The following CLSTN1 variants were observed in gnomAD, a reference collection of about 807,000 sequenced individuals.
The protein encoded by CLSTN1 is calsyntenin 1.
A neutral mutation model predicts 108.3 loss-of-function variants in CLSTN1; 28 were observed. That is an observed-to-expected ratio of 0.26 (90% CI 0.19 to 0.35). The LOEUF (loss-of-function observed/expected upper bound fraction) is 0.35. CLSTN1 is among the 10% of genes least tolerant of loss of function. CLSTN1 has a pLI of 1.00. For synonymous variants in CLSTN1, 524 were observed against 534.9 expected (o/e 0.98, Z 0.28); for missense variants, 1,157 against 1,302.6 (o/e 0.89, Z 1.72).
At chr1:9,740,694 C>T (rs1327633590) in intron 10 of CLSTN1, among the ~76,000 whole-genome samples, 1 of 152,190 alleles carries the variant, frequency 6.6e-6, no homozygotes, top group Non-Finnish European at 1.5e-5. Flanking sequence ...GAAGAGTCCT[C>T]CAGGTCCAAG....
In CLSTN1 at chr1:9,791,367, C is replaced by T. The variant is rs546791739; in HGVS notation, c.92-17973G>A. On this transcript the variant is annotated intron_variant, in intron 1 of 18. Transcript: ENST00000377298. Reference sequence around the variant, plus strand: ...CAGAAATCCTTCTGCCTCAGCCTCCCGAGTAGCTGGGGAGCCACCATGTCC... The same window carrying T: ...CAGAAATCCTTCTGCCTCAGCCTCCTGAGTAGCTGGGGAGCCACCATGTCC... Among the ~76,000 whole-genome samples, 23 of 151,140 alleles carry T rather than the reference C, an allele frequency of 1.5e-4. 3 individuals are homozygous for T. The South Asian group carries it at 3.7e-3, about 24-fold the overall frequency.
In CLSTN1 at chr1:9,800,557, GAA is replaced by G. The variant is rs55929301; in HGVS notation, c.91+23084_91+23085del. On this transcript the variant is annotated intron_variant, in intron 1 of 18. Transcript: ENST00000377298. ...ATACAGTGAAACCCCGTCTCCACTA[GAA>G]AAAAAAAAAAAAAAAAAAAAATTAG... Among the ~76,000 whole-genome samples the G allele has an allele frequency of 1.5e-3, 114 of 77,318 alleles. 2 individuals carry two copies. Among genetic ancestry groups the G allele is most frequent in the Middle Eastern group, 0.014 (2 of 142 alleles). 50.7% of individuals were successfully genotyped at this position (77,318 alleles called of 152,430 possible).
At chr1:9,746,972 G>A (rs938303128) in intron 7 of CLSTN1, among the ~76,000 whole-genome samples, 4 of 151,722 alleles carry the variant, frequency 2.6e-5, no homozygotes, top group Non-Finnish European at 5.9e-5. Flanking sequence ...TTGAGGTCAG[G>A]AGTTGGAGAC....
chr1:9,812,178 G>A (rs1654786673), intron 1 of CLSTN1, among the ~76,000 whole-genome samples: 2 of 152,034 alleles, frequency 1.3e-5, no homozygotes, highest in Non-Finnish European at 2.9e-5. Flanking sequence ...TTAACAGAAG[G>A]GCTTTAGTCC....
intron 16 of CLSTN1, among the ~76,000 whole-genome samples, chr1:9,733,179 G>A (rs1431095989): frequency 6.6e-6 from 1 of 152,082 alleles, no homozygotes; most frequent in Non-Finnish European, 1.5e-5. Context: ...GGAAAGGGGA[G>A]CACCCCCCAC....
chr1:9,815,460 T>C (rs370170503), intron 1 of CLSTN1, among the ~76,000 whole-genome samples: 122 of 152,216 alleles, frequency 8.0e-4, no homozygotes, highest in African/African-American at 2.7e-3. Context: ...AAGGAAGGAA[T>C]TGGTTGGATG....
At chr1:9,744,750 A>T in intron 7 of CLSTN1, 107 bp from the exon 8 acceptor site, 1 of 1,330,862 alleles carries the variant, frequency 7.5e-7, no homozygotes. Context: ...TGCTGGCTCC[A>T]GTTTACTTTT....
Position 9,736,033 on chromosome 1 carries a change from A to G in CLSTN1, c.1586T>C (p.Leu529Pro), listed in dbSNP as rs778999869. The stretch of plus-strand genomic sequence containing the variant: ...GCCTCGGAAAAACTGGGTCATGTGC[A>G]GGTCGCCACCTTTGGGTCAGGGGAG... The part of the protein sequence containing the change: ...PVTVASAGGD[L>P]HMTQFFRGNL... The change falls in exon 12 of 19, where the codon CTG (leucine) becomes CCG (proline). Residue 529 changes from leucine (L) to proline (P), a missense_variant. By Grantham distance (98) the Leu-to-Pro change is moderately conservative. Transcript: ENST00000377298. The G allele has an allele frequency of 1.2e-6, 2 of 1,614,174 alleles. No homozygotes were observed. Among genetic ancestry groups the G allele is most frequent in the Non-Finnish European group, 1.7e-6 (2 of 1,180,032 alleles).
In CLSTN1 at chr1:9,755,104, G is replaced by A. The variant is rs982428824; in HGVS notation, c.440+10C>T. On this transcript the variant is annotated intron_variant, in intron 4 of 18. Transcript: ENST00000377298. Reference sequence around the variant, plus strand: ...GTGGGTTATGTTCACTCTTTGTCCAGCTTACTTACTTATGAGACTTTTTCA... The same window carrying A: ...GTGGGTTATGTTCACTCTTTGTCCAACTTACTTACTTATGAGACTTTTTCA... 18 of 1,605,370 alleles carry A rather than the reference G, an allele frequency of 1.1e-5. No homozygotes were observed. The highest frequency in any genetic ancestry group is 1.4e-5 in the Non-Finnish European group (17 of 1,173,384).
At position 9,800,662 on chromosome 1, in the gene CLSTN1, G is replaced by A. The variant is rs558481587; in HGVS notation, c.91+22981C>T. On this transcript the variant is annotated intron_variant, in intron 1 of 18. Coordinates refer to ENST00000377298, the MANE Select transcript of CLSTN1 (RefSeq NM_001009566.3). ...GGAGAATGACGTGAACCCAGGAAGC[G>A]GACCTTGCAGTGAGCCATGATCGTG... 2.8e-4 allele frequency among the ~76,000 whole-genome samples: 42 copies of A among 151,066 alleles called. No individual in the cohort carries two copies. The East Asian group carries it at 7.2e-3, about 26-fold the overall frequency.
rs1021900347 is a variant in CLSTN1, at chr1:9,729,161, A to G, written c.*1347T>C. On this transcript the variant is annotated 3_prime_UTR_variant, in exon 19 of 19. Coordinates refer to ENST00000377298, the MANE Select transcript of CLSTN1 (RefSeq NM_001009566.3). ...GTGAGCGTCTGTCCGCTGTCTAAAC[A>G]GAGCAGCTACAGGGACGGGACATGG... is the stretch of plus-strand genomic sequence containing the variant. 1 of 152,274 alleles carries G rather than the reference A, an allele frequency of 6.6e-6. No individual in the cohort carries two copies. The highest frequency in any genetic ancestry group is 2.4e-5 in the African/African-American group (1 of 41,450). The allele number at this position is 152,274 out of a possible 1,614,324, so 9.4% of individuals were successfully genotyped here. A position where few individuals can be genotyped will look rare whatever the true frequency, so the allele number is the denominator to read the frequency against.
chr1:9,814,740 T>C, intron 1 of CLSTN1, among the ~76,000 whole-genome samples: 1 of 151,784 alleles, frequency 6.6e-6, no homozygotes, highest in East Asian at 1.9e-4. Context: ...GAAGATCCCG[T>C]CTCTACAAAA....
chr1:9,788,116 A>G (rs995151515), intron 1 of CLSTN1, among the ~76,000 whole-genome samples: 2 of 151,378 alleles, frequency 1.3e-5, no homozygotes, highest in African/African-American at 4.8e-5. Flanking sequence ...TTAGCCAGGC[A>G]TGGTGGTGCC....
chr1:9,756,724 T>C (rs905904027), intron 2 of CLSTN1, among the ~76,000 whole-genome samples: 2 of 152,180 alleles, frequency 1.3e-5, no homozygotes, highest in East Asian at 1.9e-4. Flanking sequence ...TCTGAAGTTA[T>C]TAATTTAGGG....
At chr1:9,782,075 T>C (rs1653277453) in intron 1 of CLSTN1, among the ~76,000 whole-genome samples, 1 of 152,228 alleles carries the variant, frequency 6.6e-6, no homozygotes, top group Non-Finnish European at 1.5e-5. Flanking sequence ...AATAAGAGCA[T>C]GGAAAACATT....
intron 1 of CLSTN1, among the ~76,000 whole-genome samples, chr1:9,803,307 G>A (rs1002560543): frequency 2.0e-5 from 3 of 152,102 alleles, no homozygotes; most frequent in Admixed American, 2.0e-4. Flanking sequence ...CAGATCATTG[G>A]TAATCAAGGA....
At chr1:9,776,580 C>T (rs1286979243) in intron 1 of CLSTN1, among the ~76,000 whole-genome samples, 1 of 152,154 alleles carries the variant, frequency 6.6e-6, no homozygotes, top group Non-Finnish European at 1.5e-5. Context: ...TTACCTCCTT[C>T]CTGAAAGGTC....
At chr1:9,739,680 T>C (rs1650870488) in intron 10 of CLSTN1, among the ~76,000 whole-genome samples, 1 of 152,220 alleles carries the variant, frequency 6.6e-6, no homozygotes, top group South Asian at 2.1e-4. Context: ...CCCATTTTTA[T>C]AAAAAATTAA....
intron 4 of CLSTN1, among the ~76,000 whole-genome samples, chr1:9,754,716 G>A (rs905125180): frequency 6.8e-4 from 104 of 152,272 alleles, no homozygotes; most frequent in African/African-American, 2.3e-3. Flanking sequence ...TTAGCTGAGC[G>A]TGGTGGCGCA....
Sources: gnomAD v4.1 joint callset for allele counts (sites outside exome capture counted in the v4.1 genomes callset) on GRCh38, gnomAD v4.1.1 for gene constraint, MANE v1.5 for transcripts, NCBI Gene and HGNC (gene_info 2026-07-23, HGNC 2026-07-21) for gene names.